LCP2: variants seen among roughly 807,000 people sequenced by gnomAD.
LCP2 encodes lymphocyte cytosolic protein 2, also known as 76 kDa tyrosine phosphoprotein.
A neutral mutation model predicts 74.5 loss-of-function variants in LCP2; 29 were observed. The observed-to-expected ratio is 0.39, with a 90% confidence interval of 0.29 to 0.53. The LOEUF is 0.53. LCP2 is among the 20% of genes least tolerant of loss of function. The pLI is 0.72. For missense variants in LCP2, 604 were observed against 634.6 expected (o/e 0.95, Z 0.52); for synonymous variants, 228 against 229.5 (o/e 0.99, Z 0.06).
intron 3 of LCP2, among the ~76,000 whole-genome samples, chr5:170,286,907 C>G (rs1762191686): frequency 6.6e-6 from 1 of 152,208 alleles, no homozygotes; most frequent in African/African-American, 2.4e-5. Flanking sequence ...GAAGAGAACT[C>G]AAACTGGTAA....
intron 14 of LCP2, among the ~76,000 whole-genome samples, chr5:170,260,723 CT>C (rs1761635221): frequency 6.6e-6 from 1 of 152,230 alleles, no homozygotes; most frequent in African/African-American, 2.4e-5. Flanking sequence ...TATTTCCCCT[CT>C]TTTTCAGGTT....
At chr5:170,294,559 T>C (rs1762339901) in intron 1 of LCP2, among the ~76,000 whole-genome samples, 1 of 152,234 alleles carries the variant, frequency 6.6e-6, no homozygotes. Flanking sequence ...TCATGGTTTG[T>C]GGCAGCCTTC....
At chr5:170,281,685 A>G (rs1451688653) in intron 3 of LCP2, among the ~76,000 whole-genome samples, 1 of 152,182 alleles carries the variant, frequency 6.6e-6, no homozygotes, top group Non-Finnish European at 1.5e-5. Context: ...ATGCCTCAGT[A>G]CGTTGTTTCT....
rs536715414 is a variant in LCP2, at chr5:170,256,641, G to A, written c.1101-66C>T. The stretch of plus-strand genomic sequence containing the variant: ...GTGATGGGGCCAGACAGGGGAGCTG[G>A]GTTAGGGAAGCCAGGCTGCAAATGC... On this transcript the variant is annotated intron_variant, in intron 16 of 20. Coordinates refer to ENST00000046794, the MANE Select transcript of LCP2 (RefSeq NM_005565.5). This position sits in a 1 kb window ranked among gnomAD's most constrained non-coding sequence, Gnocchi z 4.5. The A allele has an allele frequency of 4.4e-6, 5 of 1,143,476 alleles. No homozygotes were observed. In the South Asian group the frequency reaches 4.9e-5, roughly 11 times the overall value. 70.8% of individuals were successfully genotyped at this position (1,143,476 alleles called of 1,614,324 possible).
At chr5:170,280,255 G>A (rs762851216) in intron 3 of LCP2, among the ~76,000 whole-genome samples, 8 of 151,868 alleles carry the variant, frequency 5.3e-5, no homozygotes, top group East Asian at 3.9e-4. Context: ...CAAGGCTCCC[G>A]GCTCCTGGGT....
chr5:170,279,784 C>T (rs1302836840), intron 3 of LCP2, among the ~76,000 whole-genome samples: 1 of 152,160 alleles, frequency 6.6e-6, no homozygotes, highest in Non-Finnish European at 1.5e-5. Context: ...GGGAGTGAAA[C>T]AGGAGAGTGG....
chr5:170,279,004 C>G (rs1038397785), intron 3 of LCP2, among the ~76,000 whole-genome samples: 1 of 152,124 alleles, frequency 6.6e-6, no homozygotes, highest in Non-Finnish European at 1.5e-5. Flanking sequence ...ATGGCTATTG[C>G]TAGGTGCAAA....
chr5:170,261,553 G>GAAATGA (rs1561968780), intron 13 of LCP2, among the ~76,000 whole-genome samples: 1 of 152,024 alleles, frequency 6.6e-6, no homozygotes, highest in East Asian at 1.9e-4. Flanking sequence ...TTTTTCCCAA[G>GAAATGA]AAATGAAAAC....
chr5:170,261,799 G>A (rs1761660049), intron 13 of LCP2, among the ~76,000 whole-genome samples: 2 of 152,206 alleles, frequency 1.3e-5, no homozygotes, highest in African/African-American at 4.8e-5. Context: ...GGGAGAAGGG[G>A]AAGAGCTGGA....
chr5:170,276,634 C>T (rs963482798), intron 3 of LCP2, among the ~76,000 whole-genome samples: 1 of 151,996 alleles, frequency 6.6e-6, no homozygotes, highest in Non-Finnish European at 1.5e-5. Flanking sequence ...AGGGCTTTGC[C>T]GACAGAACCA....
intron 11 of LCP2, 51 bp from the exon 12 acceptor site, chr5:170,262,912 T>G: frequency 6.2e-7 from 1 of 1,613,970 alleles, no homozygotes; most frequent in African/African-American, 1.3e-5. Flanking sequence ...TTTCAAAGAA[T>G]AAGGACAAGA....
At chr5:170,255,178 G>A (rs1204497298) in intron 17 of LCP2, among the ~76,000 whole-genome samples, 2 of 152,170 alleles carry the variant, frequency 1.3e-5, no homozygotes, top group African/African-American at 2.4e-5. Flanking sequence ...GGGGTTGGGC[G>A]AGAAACTGTG....
At position 170,287,841 on chromosome 5, in the gene LCP2, C is replaced by G. The variant is rs1762209175; in HGVS notation, c.188+129G>C. 1.8e-5 allele frequency: 15 copies of G among 829,858 alleles called. No homozygotes were observed. In the South Asian group the frequency reaches 2.1e-4, roughly 12 times the overall value. 51.4% of individuals were successfully genotyped at this position (829,858 alleles called of 1,614,324 possible). A position where few individuals can be genotyped will look rare whatever the true frequency, so the allele number is the denominator to read the frequency against. ...TCTGTTCCCCACATCCTGCCCTTGC[C>G]CTCATCCTTCCTACTTGCTTTCTTA... On this transcript the variant is annotated intron_variant, in intron 3 of 20. Coordinates refer to ENST00000046794, the MANE Select transcript of LCP2 (RefSeq NM_005565.5).
intron 1 of LCP2, among the ~76,000 whole-genome samples, chr5:170,296,251 T>C (rs1042225802): frequency 7.9e-5 from 12 of 152,142 alleles, no homozygotes; most frequent in African/African-American, 2.7e-4. Context: ...GAAATCTAAG[T>C]TTATTATGAC....
intron 4 of LCP2, 74 bp from the exon 5 acceptor site, chr5:170,275,425 C>T: frequency 6.5e-7 from 1 of 1,546,064 alleles, no homozygotes; most frequent in Non-Finnish European, 8.9e-7. Context: ...CAACCTGGTC[C>T]AGCGAGAGGG....
intron 17 of LCP2, among the ~76,000 whole-genome samples, chr5:170,255,929 C>G (rs1004933132): frequency 6.6e-6 from 1 of 152,222 alleles, no homozygotes; most frequent in Non-Finnish European, 1.5e-5. Context: ...CCTGACTTCA[C>G]TCCGGACTTA....
At chr5:170,273,586 G>A (rs919637918) in intron 6 of LCP2, among the ~76,000 whole-genome samples, 1 of 152,108 alleles carries the variant, frequency 6.6e-6, no homozygotes, top group Non-Finnish European at 1.5e-5. Flanking sequence ...TTCTACGCAC[G>A]TCACGTTCTG....
In LCP2 at chr5:170,266,894, G is replaced by C. The variant is rs371741776; in HGVS notation, c.689-3C>G. 4.3e-5 allele frequency: 70 copies of C among 1,613,636 alleles called. No individual in the cohort carries two copies. The highest frequency in any genetic ancestry group is 5.7e-5 in the Non-Finnish European group (67 of 1,179,670). ...TCTGTCTATTGAAGGAGCAGGGACT[G>C]GAAGGGGAAAAGGCTGACATCAATT... is the stretch of plus-strand genomic sequence containing the variant. On this transcript the variant is annotated splice_region_variant and splice_polypyrimidine_tract_variant and intron_variant, in intron 9 of 20. Transcript: ENST00000046794.
chr5:170,294,063 G>A (rs77129407), intron 1 of LCP2, among the ~76,000 whole-genome samples: 6,027 of 152,202 alleles, frequency 0.04, 149 homozygotes, highest in Middle Eastern at 0.082. Flanking sequence ...TTGCAGATGG[G>A]GAATGAGAGG....
Sources: allele counts gnomAD v4.1 joint callset (sites outside exome capture counted in the v4.1 genomes callset), GRCh38; gene constraint gnomAD v4.1.1; non-coding constraint Gnocchi (gnomAD v3.1); transcripts MANE v1.5; gene names NCBI Gene and HGNC (gene_info 2026-07-23, HGNC 2026-07-21).